RPS6KC1: variants seen among roughly 807,000 people sequenced by gnomAD.
RPS6KC1 encodes the protein ribosomal protein S6 kinase C1.
RPS6KC1 carries 54 observed loss-of-function variants against 103.8 expected under a neutral mutation model. That is an observed-to-expected ratio of 0.52 (90% CI 0.42 to 0.65). The LOEUF (loss-of-function observed/expected upper bound fraction) is 0.65, where lower values mean the gene tolerates loss of function less well. RPS6KC1 is among the 30% of genes least tolerant of loss of function. The pLI, the probability that RPS6KC1 is intolerant of heterozygous loss-of-function variation, is 0.00. For missense variants in RPS6KC1, 1,151 were observed against 1,253.8 expected, an observed-to-expected ratio of 0.92 and a Z score of 1.24; for synonymous variants, 439 against 438.7, an observed-to-expected ratio of 1.00 and a Z score of -0.01.
the RPS6KC1 span, among the ~76,000 whole-genome samples, chr1:213,540,466 C>T: frequency 6.6e-6 from 1 of 152,154 alleles, no homozygotes; most frequent in South Asian, 2.1e-4. Context: ...ATCTCAGCCT[C>T]CCGAGTAGCT....
At chr1:213,705,665 A>G in the RPS6KC1 span, among the ~76,000 whole-genome samples, 2 of 152,222 alleles carry the variant, frequency 1.3e-5, no homozygotes, top group African/African-American at 4.8e-5. Context: ...TCTCAAGTGG[A>G]AGGAGCCTTG....
At chr1:213,664,188 T>C in the RPS6KC1 span, among the ~76,000 whole-genome samples, 3 of 10,246 alleles carry the variant, frequency 2.9e-4, no homozygotes, top group Non-Finnish European at 3.9e-4. Flanking sequence ...TAGAAAGAAA[T>C]GAGCGGGGGG....
chr1:213,760,279 C>T, the RPS6KC1 span, among the ~76,000 whole-genome samples: 19 of 152,278 alleles, frequency 1.2e-4, no homozygotes, highest in East Asian at 3.7e-3. Context: ...CCCACAGCCG[C>T]TGCTTCATTT....
At chr1:213,657,143 T>C in the RPS6KC1 span, among the ~76,000 whole-genome samples, 1 of 151,838 alleles carries the variant, frequency 6.6e-6, no homozygotes, top group Admixed American at 6.6e-5. Flanking sequence ...GACTCCACAA[T>C]GTGGATGAAC....
chr1:213,300,006 C>A, the RPS6KC1 span, among the ~76,000 whole-genome samples: 74,657 of 151,802 alleles, frequency 0.49, 20,007 homozygotes, highest in African/African-American at 0.72. Flanking sequence ...GGGGTTTCAC[C>A]GTGTTCGCCA....
the RPS6KC1 span, among the ~76,000 whole-genome samples, chr1:213,359,084 G>A: frequency 1.3e-5 from 2 of 152,162 alleles, no homozygotes; most frequent in Non-Finnish European, 2.9e-5. Flanking sequence ...GCTTGGTGCA[G>A]AGCTGAATTC....
At chr1:213,831,440 A>T in the RPS6KC1 span, among the ~76,000 whole-genome samples, 1 of 152,212 alleles carries the variant, frequency 6.6e-6, no homozygotes, top group African/African-American at 2.4e-5. Context: ...AAGAGCTGCA[A>T]AAGGCCAGGC....
the RPS6KC1 span, among the ~76,000 whole-genome samples, chr1:213,434,487 G>A: frequency 1.3e-5 from 2 of 151,278 alleles, no homozygotes; most frequent in African/African-American, 2.4e-5. Context: ...ACAGAGTGTC[G>A]CTCTGTCACC....
chr1:213,860,713 G>A, the RPS6KC1 span, among the ~76,000 whole-genome samples: 1 of 152,192 alleles, frequency 6.6e-6, no homozygotes, highest in African/African-American at 2.4e-5. Context: ...CAAGGTGCCT[G>A]AGAACAGTGG....
intron 8 of RPS6KC1, among the ~76,000 whole-genome samples, chr1:213,226,991 A>G (rs1485376147): frequency 2.6e-5 from 4 of 152,264 alleles, no homozygotes. Context: ...CTTTGTGAGT[A>G]TGGACAAAGT....
chr1:213,326,961 T>G, the RPS6KC1 span, among the ~76,000 whole-genome samples: 6 of 152,294 alleles, frequency 3.9e-5, no homozygotes, highest in South Asian at 1.2e-3. Context: ...TTGTATTAGT[T>G]GTAACACAAA....
chr1:213,674,868 A>AT, the RPS6KC1 span, among the ~76,000 whole-genome samples: 3 of 151,718 alleles, frequency 2.0e-5, no homozygotes, highest in Non-Finnish European at 4.4e-5. Flanking sequence ...TGTGGTTCTG[A>AT]TTTTCATTTC....
chr1:213,473,233 C>T, the RPS6KC1 span, among the ~76,000 whole-genome samples: 1 of 152,224 alleles, frequency 6.6e-6, no homozygotes, highest in African/African-American at 2.4e-5. Flanking sequence ...TCAAGCTTCC[C>T]TTGATGCTCA....
chr1:213,205,536 T>TATATATATATATATATAATATATATA (rs1553378413), intron 8 of RPS6KC1: 1 of 82,292 alleles, frequency 1.2e-5, no homozygotes, highest in African/African-American at 4.8e-5. Flanking sequence ...ACAAACTCAT[T>TATATATATATATATATAATATATATA]TATATATATA....
the RPS6KC1 span, among the ~76,000 whole-genome samples, chr1:213,328,210 GT>G: frequency 1.3e-5 from 2 of 151,988 alleles, no homozygotes; most frequent in African/African-American, 4.8e-5. Flanking sequence ...GTTTAAACAA[GT>G]TATTTCTGAA....
chr1:213,074,392 TA>T (rs1213390748), intron 2 of RPS6KC1, among the ~76,000 whole-genome samples: 1 of 152,248 alleles, frequency 6.6e-6, no homozygotes, highest in African/African-American at 2.4e-5. Context: ...GTTATAGACC[TA>T]TTTTTTCAAT....
chr1:213,438,292 G>A, the RPS6KC1 span, among the ~76,000 whole-genome samples: 65,027 of 151,868 alleles, frequency 0.43, 14,790 homozygotes, highest in East Asian at 0.56. Flanking sequence ...TTTTTTCTCC[G>A]TAGTCTCAGT....
At chr1:213,119,785 T>G (rs1572657594) in intron 5 of RPS6KC1, among the ~76,000 whole-genome samples, 1 of 152,094 alleles carries the variant, frequency 6.6e-6, no homozygotes, top group Non-Finnish European at 1.5e-5. Context: ...GGAATGAGGT[T>G]TCTTGGGATG....
intron 3 of RPS6KC1, 30 bp from the exon 4 acceptor site, chr1:213,104,424 C>A (rs759423913): frequency 1.5e-6 from 2 of 1,375,516 alleles, no homozygotes; most frequent in South Asian, 2.4e-5. Flanking sequence ...ATCATTCTTC[C>A]CTTAAGTGTT....
Sources: allele counts gnomAD v4.1 joint callset (sites outside exome capture counted in the v4.1 genomes callset), GRCh38; gene constraint gnomAD v4.1.1; transcripts MANE v1.5; gene names NCBI Gene and HGNC (gene_info 2026-07-23, HGNC 2026-07-21).